CENPO: variants seen among roughly 807,000 people sequenced by gnomAD.
CENPO encodes centromere protein O.
A neutral mutation model predicts 36.1 loss-of-function variants in CENPO; 30 were observed. The observed-to-expected ratio is 0.83, with a 90% CI of 0.62 to 1.13. CENPO has a LOEUF of 1.13. CENPO is among the 50% of genes most tolerant of loss of function. The pLI is 0.00. For synonymous variants in CENPO, 171 were observed against 142.3 expected, an observed-to-expected ratio of 1.20 and a Z score of -1.44; for missense variants, 349 against 357.8, an observed-to-expected ratio of 0.98 and a Z score of 0.20.
At chr2:24,811,436 ACACC>A (rs1213105932) in intron 3 of CENPO, among the ~76,000 whole-genome samples, 1 of 145,822 alleles carries the variant, frequency 6.9e-6, no homozygotes, top group Non-Finnish European at 1.5e-5. Flanking sequence ...GCCCGCCACC[ACACC>A]CAGCTAATTT....
chr2:24,811,896 A>C (rs1006485472), intron 3 of CENPO, among the ~76,000 whole-genome samples: 1 of 152,128 alleles, frequency 6.6e-6, no homozygotes, highest in Non-Finnish European at 1.5e-5. Context: ...GCGCCTGGCA[A>C]GTCCATGAAC....
intron 2 of CENPO, among the ~76,000 whole-genome samples, chr2:24,794,962 T>A (rs1292380858): frequency 6.6e-6 from 1 of 152,236 alleles, no homozygotes; most frequent in African/African-American, 2.4e-5. Context: ...ATCATTATCA[T>A]TGATAACAGA....
chr2:24,800,948 G>T (rs1666134045), intron 3 of CENPO, among the ~76,000 whole-genome samples: 1 of 152,112 alleles, frequency 6.6e-6, no homozygotes, highest in Non-Finnish European at 1.5e-5. Context: ...CACCAACAGT[G>T]TAAAAGTGTT....
chr2:24,793,821 G>A (rs1665748841), intron 1 of CENPO, 31 bp from the exon 2 acceptor site: 13 of 1,516,488 alleles, frequency 8.6e-6, no homozygotes, highest in African/African-American at 1.4e-5. Context: ...GACTAGATGT[G>A]ATGTGACTGT....
intron 5 of CENPO, 109 bp from the exon 6 acceptor site, chr2:24,816,537 A>T: frequency 1.4e-6 from 1 of 728,672 alleles, no homozygotes; most frequent in Non-Finnish European, 2.2e-6. Flanking sequence ...TATTTCTCTG[A>T]AATGTAATCG....
chr2:24,805,597 C>T (rs921945057), intron 3 of CENPO, among the ~76,000 whole-genome samples: 27 of 152,316 alleles, frequency 1.8e-4, no homozygotes, highest in South Asian at 6.2e-4. Flanking sequence ...CCACTCCAGA[C>T]GCTGTTTGCC....
rs1309016628 is a variant in CENPO at position 24,816,742 on chromosome 2, T to C, written c.691T>C (p.Phe231Leu). ...TYKLDPGGQSFPFCARLLYKD... is the reference protein window; with the variant it reads ...TYKLDPGGQSLPFCARLLYKD... ...CAAACTGGATCCAGGGGGTCAGTCC[T>C]TCCCGTTCTGTGCTAGATTGCTGTA... The change falls in exon 6 of 8, where the codon TTC (phenylalanine) becomes CTC (leucine). Residue 231 changes from phenylalanine (F) to leucine (L), a missense_variant. Physicochemically the swap from Phe to Leu is conservative, Grantham distance 22 (BLOSUM62 0). Coordinates refer to ENST00000380834, the MANE Select transcript of CENPO (RefSeq NM_001322101.2). 1.2e-6 allele frequency: 2 copies of C among 1,612,908 alleles called. No individual in the cohort carries two copies. The highest frequency in any genetic ancestry group is 1.7e-6 in the Non-Finnish European group (2 of 1,179,550).
At chr2:24,810,476 C>G (rs1666623179) in intron 3 of CENPO, among the ~76,000 whole-genome samples, 1 of 144,880 alleles carries the variant, frequency 6.9e-6, no homozygotes, top group South Asian at 2.2e-4. Flanking sequence ...ACAATAGTAA[C>G]TTTTTTGGTT....
At chr2:24,794,890 C>G (rs1665818924) in intron 2 of CENPO, among the ~76,000 whole-genome samples, 1 of 152,132 alleles carries the variant, frequency 6.6e-6, no homozygotes, top group Non-Finnish European at 1.5e-5. Flanking sequence ...ACTTAAATTA[C>G]AGTTTTAAAA....
chr2:24,794,391 T>C (rs1028226632), intron 2 of CENPO, among the ~76,000 whole-genome samples: 2 of 152,262 alleles, frequency 1.3e-5, no homozygotes, highest in Non-Finnish European at 2.9e-5. Flanking sequence ...AGTCACTTTA[T>C]TCTCTGCCTC....
chr2:24,803,217 C>T (rs1268549635), intron 3 of CENPO, among the ~76,000 whole-genome samples: 2 of 150,820 alleles, frequency 1.3e-5, no homozygotes, highest in Non-Finnish European at 3.0e-5. Flanking sequence ...ATTCTTCTCT[C>T]TTTTCTTCTT....
intron 6 of CENPO, among the ~76,000 whole-genome samples, chr2:24,817,381 G>A (rs565223938): frequency 2.7e-5 from 4 of 150,840 alleles, no homozygotes; most frequent in East Asian, 2.0e-4. Flanking sequence ...TCACACCATC[G>A]GTCTTTGATT....
chr2:24,795,816 C>G (rs535256157), intron 2 of CENPO, among the ~76,000 whole-genome samples: 1 of 152,190 alleles, frequency 6.6e-6, no homozygotes, highest in Non-Finnish European at 1.5e-5. Flanking sequence ...TTTGCCACCA[C>G]AGTATGAATA....
intron 3 of CENPO, among the ~76,000 whole-genome samples, chr2:24,809,237 C>G (rs1666568652): frequency 6.6e-6 from 1 of 152,136 alleles, no homozygotes; most frequent in African/African-American, 2.4e-5. Flanking sequence ...CCATTTCTGT[C>G]TCCTCGATCA....
At chr2:24,798,975 C>CTTTTTT (rs70947846) in intron 2 of CENPO, among the ~76,000 whole-genome samples, 9 of 114,526 alleles carry the variant, frequency 7.9e-5, no homozygotes, top group African/African-American at 3.2e-4. Flanking sequence ...CTGGGGCTTC[C>CTTTTTT]TTTTTTTTTT....
chr2:24,820,034 C>G lies in CENPO; in HGVS notation c.*716C>G. 1.2e-6 allele frequency: 2 copies of G among 1,609,090 alleles called. No individual in the cohort carries two copies. The highest frequency in any genetic ancestry group is 8.5e-7 in the Non-Finnish European group (1 of 1,177,846). On this transcript the variant is annotated 3_prime_UTR_variant, in exon 8 of 8. Coordinates refer to ENST00000380834, the MANE Select transcript of CENPO (RefSeq NM_001322101.2). ...TCAAGAAGAAGGTCAGCAGCTCCCC[C>G]TTCCCCTTCACAAAGATGGGGCCTC...
chr2:24,796,708 T>C (rs888462249), intron 2 of CENPO, among the ~76,000 whole-genome samples: 1 of 152,116 alleles, frequency 6.6e-6, no homozygotes, highest in Non-Finnish European at 1.5e-5. Flanking sequence ...TTTGAGAGCT[T>C]ATGAGCTGGC....
In CENPO at chr2:24,798,275, GTATA is replaced by G. The variant is rs113677572; in HGVS notation, c.47-1384_47-1381del. On this transcript the variant is annotated intron_variant, in intron 2 of 7. Coordinates refer to ENST00000380834, the MANE Select transcript of CENPO (RefSeq NM_001322101.2). ...AAATTGTGTGTGTGTGTATGTGTGT[GTATA>G]TATATATATATATATGAGTGTGTGT... is the stretch of plus-strand genomic sequence containing the variant. Among the ~76,000 whole-genome samples, 809 of 149,358 alleles carry G rather than the reference GTATA, an allele frequency of 5.4e-3. 11 individuals are homozygous for G. The highest frequency in any genetic ancestry group is 0.017 in the African/African-American group (709 of 40,570).
intron 3 of CENPO, among the ~76,000 whole-genome samples, chr2:24,801,758 G>T (rs947428169): frequency 5.3e-5 from 8 of 152,194 alleles, no homozygotes; most frequent in South Asian, 4.1e-4. Context: ...AGTCAGGTAG[G>T]GTGATGCCTC....
Sources: gnomAD v4.1 joint callset for allele counts (sites outside exome capture counted in the v4.1 genomes callset) on GRCh38, gnomAD v4.1.1 for gene constraint, MANE v1.5 for transcripts, NCBI Gene and HGNC (gene_info 2026-07-23, HGNC 2026-07-21) for gene names.